PRH1: variants seen among roughly 807,000 people sequenced by gnomAD.
PRH1 encodes salivary acidic proline-rich phosphoprotein 1/2.
In PRH1, 7 loss-of-function variants were observed where a neutral mutation model predicts 7.9. The ratio of observed to expected loss-of-function variants is 0.89; its 90% CI spans 0.50 to 1.67. The LOEUF (loss-of-function observed/expected upper bound fraction) is 1.67, where lower values mean the gene tolerates loss of function less well. Ranked by LOEUF, PRH1 falls within the 40% of genes most tolerant of loss-of-function variation. The pLI is 0.00. For missense variants in PRH1, 109 were observed against 223.6 expected (o/e 0.49, Z 3.27); for synonymous variants, 45 against 80.8 (o/e 0.56, Z 2.38).
chr12:10,997,699 G>C (rs746101556), intron 1 of PRH1: 2 of 1,613,688 alleles, frequency 1.2e-6, no homozygotes, highest in South Asian at 1.1e-5. Flanking sequence ...ATATTACCCA[G>C]AGCAAACCAA....
chr12:10,955,999 C>T (rs760347340), intron 2 of PRH1, among the ~76,000 whole-genome samples: 1 of 151,984 alleles, frequency 6.6e-6, no homozygotes, highest in African/African-American at 2.4e-5. Flanking sequence ...AGAATTCCAC[C>T]ATGTGTATAA....
chr12:11,171,001 C>T (rs971320376), intron 1 of PRH1, among the ~76,000 whole-genome samples: 4 of 152,224 alleles, frequency 2.6e-5, no homozygotes, highest in African/African-American at 9.6e-5. Context: ...TTGGCCCTTA[C>T]AAATTTTGTG....
chr12:11,000,401 G>C (rs916495347), intron 1 of PRH1, among the ~76,000 whole-genome samples: 2 of 152,096 alleles, frequency 1.3e-5, no homozygotes, highest in Non-Finnish European at 2.9e-5. Flanking sequence ...CTAAAGACAT[G>C]ATTCCATTGA....
chr12:10,899,269 G>A (rs1949691182), intron 2 of PRH1, among the ~76,000 whole-genome samples: 1 of 121,644 alleles, frequency 8.2e-6, no homozygotes, highest in Admixed American at 9.0e-5. Flanking sequence ...TTGTTGGGAT[G>A]GAAAGATTAC....
At chr12:11,053,066 T>C (rs1404080751) in intron 1 of PRH1, among the ~76,000 whole-genome samples, 1 of 152,308 alleles carries the variant, frequency 6.6e-6, no homozygotes, top group African/African-American at 2.4e-5. Context: ...ATTAAGTTGA[T>C]GTGAGTAGCT....
intron 1 of PRH1, among the ~76,000 whole-genome samples, chr12:11,079,546 A>G (rs1292244434): frequency 8.2e-6 from 1 of 121,858 alleles, no homozygotes; most frequent in African/African-American, 2.8e-5. Context: ...AGACACAAAT[A>G]TCTAAAGCAG....
upstream of PRH1, chr12:11,047,194 T>A: frequency 2.9e-6 from 1 of 349,102 alleles, no homozygotes. Flanking sequence ...AGAACCTATG[T>A]CAAGAAACAA....
chr12:11,040,779 A>C (rs899058312), intron 1 of PRH1, among the ~76,000 whole-genome samples: 3 of 152,200 alleles, frequency 2.0e-5, no homozygotes, highest in African/African-American at 7.2e-5. Context: ...TGAAAACAAA[A>C]AGTTAAAACC....
Position 11,005,606 on chromosome 12 carries a change from A to G in PRH1, c.-125-31885T>C, listed in dbSNP as rs192021080. Among the ~76,000 whole-genome samples, 29 of 152,212 alleles carry G rather than the reference A, an allele frequency of 1.9e-4. No homozygotes were observed. The East Asian group carries it at 4.5e-3, about 23-fold the overall frequency. On this transcript the variant is annotated intron_variant, in intron 1 of 3. Coordinates refer to the PRH1 transcript ENST00000539853. ...GCTGCTAATATGTTTGTATAAGTCT[A>G]TTGTTAACAAGCTCATTAACACAAA... is the stretch of plus-strand genomic sequence containing the variant.
chr12:11,124,583 A>T (rs1318208917), intron 1 of PRH1, among the ~76,000 whole-genome samples: 2 of 48,990 alleles, frequency 4.1e-5, no homozygotes, highest in Non-Finnish European at 5.9e-5. Flanking sequence ...ATTCAACTTG[A>T]CTTGAACTTT....
chr12:10,937,825 ATAT>A (rs1950314412), intron 2 of PRH1: 1 of 153,534 alleles, frequency 6.5e-6, no homozygotes, highest in African/African-American at 2.4e-5. Flanking sequence ...CAGGTACTAA[ATAT>A]TATACAAAAA....
intron 1 of PRH1, among the ~76,000 whole-genome samples, chr12:11,088,025 C>T (rs1383644476): frequency 3.3e-5 from 4 of 122,580 alleles, no homozygotes; most frequent in Middle Eastern, 3.8e-3. Flanking sequence ...TTTTTTAAAA[C>T]ATCGTGATTA....
intron 1 of PRH1, among the ~76,000 whole-genome samples, chr12:11,023,864 C>T (rs1385898004): frequency 6.7e-6 from 1 of 150,270 alleles, no homozygotes; most frequent in African/African-American, 2.4e-5. Flanking sequence ...TAATGATACA[C>T]AATTATCTAA....
chr12:11,093,331 C>A (rs1294658460), intron 1 of PRH1, among the ~76,000 whole-genome samples: 1 of 116,100 alleles, frequency 8.6e-6, no homozygotes, highest in East Asian at 2.1e-4. Flanking sequence ...TCCATAAGAT[C>A]TGGTTGCTGC....
At chr12:10,911,340 C>T (rs777215905) in intron 2 of PRH1, among the ~76,000 whole-genome samples, 2 of 152,052 alleles carry the variant, frequency 1.3e-5, no homozygotes, top group Non-Finnish European at 2.9e-5. Context: ...AACAGGCTTG[C>T]GGTTCTGAGC....
At chr12:10,966,073 A>C (rs967332894) in intron 2 of PRH1, among the ~76,000 whole-genome samples, 1 of 152,194 alleles carries the variant, frequency 6.6e-6, no homozygotes, top group Non-Finnish European at 1.5e-5. Flanking sequence ...ATAATTTCCA[A>C]AATGGAAAAT....
At chr12:11,145,950 G>A (rs899023182) in intron 1 of PRH1, among the ~76,000 whole-genome samples, 4 of 151,994 alleles carry the variant, frequency 2.6e-5, no homozygotes, top group Non-Finnish European at 5.9e-5. Flanking sequence ...TTGCATATCT[G>A]TAATCATTTT....
chr12:11,113,517 G>A (rs972421125), intron 1 of PRH1, among the ~76,000 whole-genome samples: 1 of 152,132 alleles, frequency 6.6e-6, no homozygotes, highest in Non-Finnish European at 1.5e-5. Flanking sequence ...GCCTTAGGCA[G>A]AAAACTGAAA....
chr12:11,147,122 T>A (rs1442448096), intron 1 of PRH1, among the ~76,000 whole-genome samples: 2 of 150,796 alleles, frequency 1.3e-5, no homozygotes, highest in Non-Finnish European at 3.0e-5. Context: ...ACAACTTGCA[T>A]TGACTATATT....
Sources: allele counts gnomAD v4.1 joint callset (sites outside exome capture counted in the v4.1 genomes callset), GRCh38; gene constraint gnomAD v4.1.1; transcripts MANE v1.5; gene names NCBI Gene and HGNC (gene_info 2026-07-23, HGNC 2026-07-21).